MSI2: variants seen among roughly 807,000 people sequenced by gnomAD.
MSI2 encodes the protein musashi RNA binding protein 2.
A neutral mutation model predicts 45.6 loss-of-function variants in MSI2; 17 were observed. The ratio of observed to expected loss-of-function variants is 0.37; its 90% CI spans 0.26 to 0.56. The LOEUF (loss-of-function observed/expected upper bound fraction) is 0.56, where lower values mean the gene tolerates loss of function less well. Among genes scored for constraint, MSI2 ranks in the 20% least tolerant of loss-of-function variants. The pLI is 0.77. For missense variants in MSI2, 293 were observed against 444.2 expected (o/e 0.66, Z 3.06); for synonymous variants, 156 against 158.2 (o/e 0.99, Z 0.11).
rs919377027 is a variant in MSI2, at chr17:57,325,807, C to A, written c.312+63615C>A. ...TAAGGGGCTCCCATACGGATGCCTG[C>A]CGTACCAAGCGTGATGCTTCAGCAT... On this transcript the variant is annotated intron_variant, in intron 5 of 13. Coordinates refer to ENST00000284073, the MANE Select transcript of MSI2 (RefSeq NM_138962.4). 3.3e-5 allele frequency among the ~76,000 whole-genome samples: 5 copies of A among 152,202 alleles called. No homozygotes were observed. The East Asian group carries it at 7.7e-4, about 23-fold the overall frequency.
intron 6 of MSI2, among the ~76,000 whole-genome samples, chr17:57,451,271 G>A (rs917031161): frequency 2.0e-5 from 3 of 152,130 alleles, no homozygotes; most frequent in African/African-American, 4.8e-5. Context: ...ATTGTGTGAC[G>A]ATGTGGGTGC....
chr17:57,489,529 G>A (rs983273659), intron 6 of MSI2, among the ~76,000 whole-genome samples: 4 of 152,236 alleles, frequency 2.6e-5, no homozygotes, highest in African/African-American at 9.6e-5. Context: ...TCCTGGCACG[G>A]CCAGTCCCTC....
intron 9 of MSI2, among the ~76,000 whole-genome samples, chr17:57,618,653 C>T (rs1339079538): frequency 2.0e-5 from 3 of 152,188 alleles, no homozygotes; most frequent in East Asian, 1.9e-4. Context: ...AAGCAATTCT[C>T]CTGCCTCAGC....
intron 6 of MSI2, among the ~76,000 whole-genome samples, chr17:57,408,501 G>T (rs1197324745): frequency 6.6e-6 from 1 of 152,166 alleles, no homozygotes; most frequent in African/African-American, 2.4e-5. Context: ...GTATGATTTA[G>T]CTGTATTTAC....
downstream of MSI2, among the ~76,000 whole-genome samples, chr17:57,689,611 C>T (rs112858731): frequency 0.016 from 2,506 of 152,280 alleles, 30 homozygotes; most frequent in African/African-American, 0.032. Flanking sequence ...CAAATATATA[C>T]TATACACCTG....
intron 7 of MSI2, among the ~76,000 whole-genome samples, chr17:57,535,401 G>T (rs2086900441): frequency 6.6e-6 from 1 of 152,196 alleles, no homozygotes; most frequent in Non-Finnish European, 1.5e-5. Flanking sequence ...CCATAGCCTG[G>T]TGAGGGAGTG....
intron 6 of MSI2, among the ~76,000 whole-genome samples, chr17:57,441,603 A>G (rs556382495): frequency 2.0e-5 from 3 of 152,314 alleles, no homozygotes; most frequent in Admixed American, 6.5e-5. Context: ...GGACCCTATA[A>G]GACAAAGTCC....
At position 57,280,581 on chromosome 17, in the gene MSI2, A is replaced by AT. The variant is rs1301831720; in HGVS notation, c.312+18391dup. On this transcript the variant is annotated intron_variant, in intron 5 of 13. Transcript: ENST00000284073. This position sits in a 1 kb window ranked among gnomAD's most constrained non-coding sequence, Gnocchi z 4.2. The stretch of plus-strand genomic sequence containing the variant: ...AGCCCCCAACCCCCACCTCCGTGAG[A>AT]TTGAGAGTGTTGGCCCATGCAGGGG... Among the ~76,000 whole-genome samples the AT allele has an allele frequency of 6.6e-6, 1 of 152,058 alleles. No individual in the cohort carries two copies. The highest frequency in any genetic ancestry group is 1.5e-5 in the Non-Finnish European group (1 of 68,014).
intron 11 of MSI2, among the ~76,000 whole-genome samples, chr17:57,667,427 C>T (rs1229396920): frequency 6.6e-6 from 1 of 152,290 alleles, no homozygotes; most frequent in South Asian, 2.1e-4. Context: ...GGATCAGGAA[C>T]ACCATCCTGC....
intron 5 of MSI2, among the ~76,000 whole-genome samples, chr17:57,285,672 T>C (rs1909808207): frequency 6.6e-6 from 1 of 152,250 alleles, no homozygotes; most frequent in Non-Finnish European, 1.5e-5. Context: ...TTTTGAATTC[T>C]GTGGGATGGA....
intron 7 of MSI2, among the ~76,000 whole-genome samples, chr17:57,587,404 G>C (rs1904398715): frequency 6.6e-6 from 1 of 152,180 alleles, no homozygotes; most frequent in Non-Finnish European, 1.5e-5. Context: ...TGAGAAATTG[G>C]CTCCCCTCTG....
rs35099114 is a variant in MSI2 at position 57,679,952 on chromosome 17, A to ATTT, written c.*442_*444dup. The ATTT allele has an allele frequency of 1.4e-5, 3 of 212,448 alleles. No individual in the cohort carries two copies. The highest frequency in any genetic ancestry group is 6.8e-5 in the African/African-American group (3 of 44,204). 13.2% of individuals were successfully genotyped at this position (212,448 alleles called of 1,614,324 possible). A position where few individuals can be genotyped will look rare whatever the true frequency, so the allele number is the denominator to read the frequency against. ...TTAAGGAGTTATTTTTTCTTAAAAC[A>ATTT]TTTTTTTTTGCTTGTTTTGGTTCTG... On this transcript the variant is annotated 3_prime_UTR_variant, in exon 14 of 14. Transcript: ENST00000284073.
intron 5 of MSI2, among the ~76,000 whole-genome samples, chr17:57,312,198 A>G (rs1567750748): frequency 6.6e-6 from 1 of 152,226 alleles, no homozygotes. Flanking sequence ...ACATTATTGT[A>G]TAGTTTCTTT....
At chr17:57,340,600 T>G (rs1003250891) in intron 5 of MSI2, among the ~76,000 whole-genome samples, 2 of 152,112 alleles carry the variant, frequency 1.3e-5, no homozygotes, top group African/African-American at 2.4e-5. Context: ...ATCCCCATCA[T>G]TGTGGCTGAG....
intron 11 of MSI2, among the ~76,000 whole-genome samples, chr17:57,663,169 C>T (rs978705178): frequency 3.0e-5 from 4 of 133,228 alleles, no homozygotes; most frequent in African/African-American, 7.6e-5. Flanking sequence ...GAGCCAGTGG[C>T]GGGGTGGAGG....
intron 5 of MSI2, among the ~76,000 whole-genome samples, chr17:57,326,786 TG>T (rs2143702606): frequency 6.6e-6 from 1 of 152,316 alleles, no homozygotes; most frequent in African/African-American, 2.4e-5. Flanking sequence ...GTAGCTTGCC[TG>T]GGGTCATGTG....
intron 7 of MSI2, among the ~76,000 whole-genome samples, chr17:57,571,755 A>G (rs1033457982): frequency 1.3e-5 from 2 of 152,226 alleles, no homozygotes; most frequent in Non-Finnish European, 2.9e-5. Flanking sequence ...TTGAGAGCAC[A>G]TCCAGACACT....
intron 7 of MSI2, among the ~76,000 whole-genome samples, chr17:57,575,671 C>A (rs188614496): frequency 6.6e-6 from 1 of 152,080 alleles, no homozygotes; most frequent in Non-Finnish European, 1.5e-5. Context: ...AGGAGCCGGG[C>A]GCGGTGGCTC....
the MSI2 span, among the ~76,000 whole-genome samples, chr17:57,699,182 A>AGAGT: frequency 5.1e-3 from 127 of 25,078 alleles, 32 homozygotes; most frequent in Non-Finnish European, 5.4e-3. Context: ...AGAGAGAGAG[A>AGAGT]GTGTGTGTGT....
Sources: allele counts gnomAD v4.1 joint callset (sites outside exome capture counted in the v4.1 genomes callset), GRCh38; gene constraint gnomAD v4.1.1; non-coding constraint Gnocchi (gnomAD v3.1); transcripts MANE v1.5; gene names NCBI Gene and HGNC (gene_info 2026-07-23, HGNC 2026-07-21).